The following PSORS1C1 variants were observed in gnomAD, a reference collection of about 807,000 sequenced individuals.
The protein encoded by PSORS1C1 is psoriasis susceptibility 1 candidate gene 1 protein.
PSORS1C1 carries 7 observed loss-of-function variants against 9.4 expected under a neutral mutation model. The observed-to-expected ratio is 0.75, with a 90% confidence interval of 0.42 to 1.40. The LOEUF (loss-of-function observed/expected upper bound fraction) is 1.40, where lower values mean the gene tolerates loss of function less well. Among genes scored for constraint, PSORS1C1 ranks in the 40% most tolerant of loss-of-function variants. PSORS1C1 has a pLI of 0.01. For synonymous variants in PSORS1C1, 63 were observed against 69.4 expected, an observed-to-expected ratio of 0.91 and a Z score of 0.46; for missense variants, 146 against 178.1, an observed-to-expected ratio of 0.82 and a Z score of 1.02.
chr6:31,117,287 T>C (rs1175935260), intron 1 of PSORS1C1: 1 of 1,598,296 alleles, frequency 6.3e-7, no homozygotes, highest in African/African-American at 1.3e-5. Flanking sequence ...GAATACCCCG[T>C]TCCTGGCTTA....
chr6:31,127,368 G>C (rs1158853172), intron 2 of PSORS1C1, among the ~76,000 whole-genome samples: 1 of 152,090 alleles, frequency 6.6e-6, no homozygotes, highest in Non-Finnish European at 1.5e-5. Flanking sequence ...CCAGCACACA[G>C]AGGTGACCAG....
At position 31,115,979 on chromosome 6, in the gene PSORS1C1, G is replaced by T; in HGVS notation, c.-229+1088G>T. The T allele has an allele frequency of 6.5e-7, 1 of 1,527,130 alleles. No homozygotes were observed. The highest frequency in any genetic ancestry group is 9.1e-7 in the Non-Finnish European group (1 of 1,104,568). 94.6% of individuals were successfully genotyped at this position (1,527,130 alleles called of 1,614,324 possible). A position where few individuals can be genotyped will look rare whatever the true frequency, so the allele number is the denominator to read the frequency against. The stretch of plus-strand genomic sequence containing the variant: ...TTCTCCCATATGGGATATAGTGTAT[G>T]TGCTTGTTTGTGCCCAAGGCATGCA... On this transcript the variant is annotated intron_variant, in intron 1 of 5. Coordinates refer to ENST00000259881, the MANE Select transcript of PSORS1C1 (RefSeq NM_014068.3). This position sits in a 1 kb window ranked among gnomAD's most constrained non-coding sequence, Gnocchi z 4.2.
chr6:31,138,294 C>A, intron 3 of PSORS1C1, 136 bp from the exon 4 acceptor site: 1 of 1,591,506 alleles, frequency 6.3e-7, no homozygotes. Context: ...GTGGCCCTCG[C>A]TGCCTGAGAT....
At chr6:31,119,695 C>G (rs9501496) in intron 1 of PSORS1C1, among the ~76,000 whole-genome samples, 3,853 of 152,196 alleles carry the variant, frequency 0.025, 124 homozygotes, top group African/African-American at 0.074. Flanking sequence ...GTCAGGAGTT[C>G]AAGACCAGCT....
rs775629316 is a variant in PSORS1C1 at position 31,138,515 on chromosome 6, G to T, written c.43+56G>T. On this transcript the variant is annotated intron_variant, in intron 4 of 5. Transcript: ENST00000259881. The stretch of plus-strand genomic sequence containing the variant: ...AATGTCATGAACCCCTACCCCCGAT[G>T]GATCTGAACCGTTCACTTGACCCAC... The T allele has an allele frequency of 3.9e-4, 622 of 1,606,946 alleles. 1 individual carries two copies. Among genetic ancestry groups the T allele is most frequent in the Non-Finnish European group, 4.9e-4 (575 of 1,174,716 alleles).
At chr6:31,130,443 A>T (rs1322412892) in intron 3 of PSORS1C1, among the ~76,000 whole-genome samples, 1 of 147,134 alleles carries the variant, frequency 6.8e-6, no homozygotes, top group African/African-American at 2.5e-5. Flanking sequence ...ATGGAGTCTC[A>T]CTCTGTCGTC....
Position 31,139,863 on chromosome 6 carries a change from C to T in PSORS1C1, c.390C>T (p.Thr130=). 1.2e-6 allele frequency: 2 copies of T among 1,613,092 alleles called. No homozygotes were observed. Among genetic ancestry groups the T allele is most frequent in the Non-Finnish European group, 8.5e-7 (1 of 1,180,016 alleles). The change falls in exon 6 of 6, where the codon ACC becomes ACT. Residue 130 remains threonine, a synonymous_variant. Transcript: ENST00000259881. The surrounding 1 kb of genome is among the most constrained non-coding windows in gnomAD (Gnocchi z 5.2). ...PSGIHLSASR[T]LAPTLLYSSP... ...GAATCCACCTATCCGCCTCTAGGACCTTGGCTCCAACTCTATTGTACTCGT... is the reference window on the plus strand; with the variant it reads ...GAATCCACCTATCCGCCTCTAGGACTTTGGCTCCAACTCTATTGTACTCGT...
At chr6:31,116,662 A>AT in intron 1 of PSORS1C1, 1 of 1,612,724 alleles carries the variant, frequency 6.2e-7, no homozygotes. Flanking sequence ...CACAGGGTAG[A>AT]TTTTACCCTT....
At chr6:31,135,563 G>A (rs1039141435) in intron 3 of PSORS1C1, among the ~76,000 whole-genome samples, 1 of 152,118 alleles carries the variant, frequency 6.6e-6, no homozygotes, top group African/African-American at 2.4e-5. Flanking sequence ...TCAGTCTGTC[G>A]GAGACTGCAC....
At chr6:31,133,627 C>G (rs1033453447) in intron 3 of PSORS1C1, 1 of 152,234 alleles carries the variant, frequency 6.6e-6, no homozygotes, top group Admixed American at 6.5e-5. Context: ...GAACTCACGG[C>G]GTTTACTGCC....
At position 31,139,397 on chromosome 6, in the gene PSORS1C1, G is replaced by A; in HGVS notation, c.168-244G>A. 1 of 592,700 alleles carries A rather than the reference G, an allele frequency of 1.7e-6. No homozygotes were observed. 36.7% of individuals were successfully genotyped at this position (592,700 alleles called of 1,614,324 possible). A position where few individuals can be genotyped will look rare whatever the true frequency, so the allele number is the denominator to read the frequency against. Reference sequence around the variant, plus strand: ...TTGCAACTATTGGAAGCCAAAGAATGGGAGCAAACCACGCGATGGGCGTTG... The same window carrying A: ...TTGCAACTATTGGAAGCCAAAGAATAGGAGCAAACCACGCGATGGGCGTTG... On this transcript the variant is annotated intron_variant, in intron 5 of 5. Transcript: ENST00000259881. This position sits in a 1 kb window ranked among gnomAD's most constrained non-coding sequence, Gnocchi z 5.2.
At chr6:31,121,074 G>A (rs1190573548) in intron 1 of PSORS1C1, among the ~76,000 whole-genome samples, 1 of 151,260 alleles carries the variant, frequency 6.6e-6, no homozygotes, top group East Asian at 2.0e-4. Context: ...CATCACCTGG[G>A]GAACTTTCTC....
In PSORS1C1 at chr6:31,128,121, G is replaced by C. The variant is rs1772764634; in HGVS notation, c.-64-1448G>C. Among the ~76,000 whole-genome samples the C allele has an allele frequency of 6.6e-6, 1 of 152,214 alleles. No homozygotes were observed. Among genetic ancestry groups the C allele is most frequent in the Admixed American group, 6.5e-5 (1 of 15,284 alleles). On this transcript the variant is annotated intron_variant, in intron 2 of 5. Coordinates refer to ENST00000259881, the MANE Select transcript of PSORS1C1 (RefSeq NM_014068.3). The surrounding 1 kb of genome is among the most constrained non-coding windows in gnomAD (Gnocchi z 4.3). Reference sequence around the variant, plus strand: ...TGCCTGAATTTTCCTGAGGGCTTCAGAGCCTGTCTCGCCTCGCCTCACATG... The same window carrying C: ...TGCCTGAATTTTCCTGAGGGCTTCACAGCCTGTCTCGCCTCGCCTCACATG...
At chr6:31,138,269 G>C (rs1270737177) in intron 3 of PSORS1C1, 161 bp from the exon 4 acceptor site, 1 of 1,579,396 alleles carries the variant, frequency 6.3e-7, no homozygotes, top group Non-Finnish European at 8.6e-7. Flanking sequence ...GGTCCTCTGC[G>C]GGTGGGTGAG....
rs960611020 is a variant in PSORS1C1 at position 31,115,545 on chromosome 6, CG to C, written c.-229+655del. On this transcript the variant is annotated intron_variant, in intron 1 of 5. Transcript: ENST00000259881. This position sits in a 1 kb window ranked among gnomAD's most constrained non-coding sequence, Gnocchi z 4.2. ...CATATTGGGTGGGTTGACTAGATGTCGAAGAAAGGTCAGTGAAAAGTGGCCA... is the reference window on the plus strand; with the variant it reads ...CATATTGGGTGGGTTGACTAGATGTCAAGAAAGGTCAGTGAAAAGTGGCCA... 5 of 170,942 alleles carry C rather than the reference CG, an allele frequency of 2.9e-5. No individual in the cohort carries two copies. Among genetic ancestry groups the C allele is most frequent in the African/African-American group, 1.2e-4 (5 of 41,770 alleles). The allele number at this position is 170,942 out of a possible 1,614,324, so 10.6% of individuals were successfully genotyped here.
chr6:31,136,265 T>C (rs1028616681), intron 3 of PSORS1C1, among the ~76,000 whole-genome samples: 11 of 151,256 alleles, frequency 7.3e-5, no homozygotes, highest in African/African-American at 2.7e-4. Context: ...CACACACCTG[T>C]AATCCCAGCT....
intron 3 of PSORS1C1, chr6:31,137,707 G>C: frequency 2.6e-6 from 1 of 388,554 alleles, no homozygotes; most frequent in Non-Finnish European, 4.5e-6. Flanking sequence ...GCCTGGAGGC[G>C]AGGTAGGAGA....
Position 31,115,066 on chromosome 6 carries a change from T to C in PSORS1C1, c.-229+175T>C, listed in dbSNP as rs9263637. 67,793 of 362,030 alleles carry C rather than the reference T, an allele frequency of 0.19. 7,369 individuals are homozygous for C. The highest frequency in any genetic ancestry group is 0.32 in the South Asian group (15,486 of 48,010). 22.4% of individuals were successfully genotyped at this position (362,030 alleles called of 1,614,324 possible). On this transcript the variant is annotated intron_variant, in intron 1 of 5. Transcript: ENST00000259881. The surrounding 1 kb of genome is among the most constrained non-coding windows in gnomAD (Gnocchi z 4.2). ...AGAGAGGAGGGAAATGGCGGAAGGA[T>C]CTGGGAGGCCAGGCAATCTCTGCTT... is the stretch of plus-strand genomic sequence containing the variant.
rs1374562047 is a variant in PSORS1C1 at position 31,128,068 on chromosome 6, C to T, written c.-64-1501C>T. Among the ~76,000 whole-genome samples the T allele has an allele frequency of 1.3e-5, 2 of 152,276 alleles. No individual in the cohort carries two copies. The highest frequency in any genetic ancestry group is 2.9e-5 in the Non-Finnish European group (2 of 68,024). ...AGGGAGAGAATGTGTAAATGATGAT[C>T]GTGAGGTCCACTTGGACAGGCAGCC... On this transcript the variant is annotated intron_variant, in intron 2 of 5. Transcript: ENST00000259881. The surrounding 1 kb of genome is among the most constrained non-coding windows in gnomAD (Gnocchi z 4.3).
Sources: gnomAD v4.1 joint callset for allele counts (sites outside exome capture counted in the v4.1 genomes callset) on GRCh38, gnomAD v4.1.1 for gene constraint, Gnocchi (gnomAD v3.1) non-coding constraint, MANE v1.5 for transcripts, NCBI Gene and HGNC (gene_info 2026-07-23, HGNC 2026-07-21) for gene names.